Variants in HECA observed in about 807,000 individuals in gnomAD.
HECA encodes the protein headcase protein homolog.
In HECA, 13 loss-of-function variants were observed where a neutral mutation model predicts 37.6. The observed-to-expected ratio is 0.35, with a 90% confidence interval of 0.23 to 0.55. The LOEUF is 0.55. Ranked by LOEUF, HECA falls within the 20% of genes least tolerant of loss-of-function variation. The pLI is 0.90. For synonymous variants in HECA, 307 were observed against 291.5 expected, an observed-to-expected ratio of 1.05 and a Z score of -0.54; for missense variants, 527 against 701.9, an observed-to-expected ratio of 0.75 and a Z score of 2.82.
At chr6:139,149,660 C>A (rs984040568) in intron 1 of HECA, among the ~76,000 whole-genome samples, 3 of 152,154 alleles carry the variant, frequency 2.0e-5, no homozygotes, top group African/African-American at 7.2e-5. Flanking sequence ...AAGTTTGGAT[C>A]TGGGAGCTCT....
chr6:139,154,817 A>G (rs556382902), intron 1 of HECA, among the ~76,000 whole-genome samples: 2 of 152,372 alleles, frequency 1.3e-5, no homozygotes. Context: ...ATGAGTAAAG[A>G]GGTTTGAGTA....
At chr6:139,167,453 C>T in intron 2 of HECA, 129 bp downstream of exon 2, 2 of 763,624 alleles carry the variant, frequency 2.6e-6, no homozygotes, top group South Asian at 2.0e-5. Flanking sequence ...TGCTAGGTAA[C>T]ATTTGAATAT....
At chr6:139,140,011 C>T (rs181082720) in intron 1 of HECA, among the ~76,000 whole-genome samples, 1 of 152,300 alleles carries the variant, frequency 6.6e-6, no homozygotes, top group East Asian at 1.9e-4. Context: ...CATGGGAAAA[C>T]GCATTCTGAA....
At chr6:139,137,268 C>T (rs1320008488) in intron 1 of HECA, among the ~76,000 whole-genome samples, 1 of 152,040 alleles carries the variant, frequency 6.6e-6, no homozygotes, top group East Asian at 1.9e-4. Context: ...GCTTCATCAT[C>T]TTGGAAAGGT....
At chr6:139,175,335 A>G (rs1429876961) in intron 3 of HECA, among the ~76,000 whole-genome samples, 1 of 152,200 alleles carries the variant, frequency 6.6e-6, no homozygotes, top group Non-Finnish European at 1.5e-5. Context: ...CTGGTTTTTT[A>G]GTACAAATAG....
Position 139,166,827 on chromosome 6 carries a change from C to G in HECA, c.815C>G (p.Ser272Cys). ...TCCCCCGGTGGCTCCCCGGGCCAGT[C>G]CCCACCCACGGGCTACTCCATCCTC... The part of the protein sequence containing the change: ...ARSPGGSPGQ[S>C]PPTGYSILSP... The change falls in exon 2 of 4, where the codon TCC becomes TGC. Residue 272 changes from serine (S) to cysteine (C), a missense_variant. Around this residue, in one of 4 missense-constraint regions of HECA, gnomAD observed 228 missense variants for 259.8 expected, o/e 0.88. Transcript: ENST00000367658. 6.2e-7 allele frequency: 1 copy of G among 1,613,740 alleles called. No homozygotes were observed. The highest frequency in any genetic ancestry group is 8.5e-7 in the Non-Finnish European group (1 of 1,179,928).
Position 139,135,334 on chromosome 6 carries a change from G to T in HECA, c.-63G>T, listed in dbSNP as rs1487091353. On this transcript the variant is annotated 5_prime_UTR_variant, in exon 1 of 4. Coordinates refer to ENST00000367658, the MANE Select transcript of HECA (RefSeq NM_016217.3). Reference sequence around the variant, plus strand: ...GCCGGCTTCACGCAGGGCCGGGAACGGCCGTGCCTCTGGGATCCGCCTTCG... The same window carrying T: ...GCCGGCTTCACGCAGGGCCGGGAACTGCCGTGCCTCTGGGATCCGCCTTCG... 4 of 1,230,852 alleles carry T rather than the reference G, an allele frequency of 3.2e-6. No homozygotes were observed. The African/African-American group carries it at 4.9e-5, about 15-fold the overall frequency. The allele number at this position is 1,230,852 out of a possible 1,614,324, so 76.2% of individuals were successfully genotyped here.
chr6:139,178,083 A>G lies in HECA; in HGVS notation c.*978A>G, dbSNP rs1355579158. The G allele has an allele frequency of 2.0e-5, 3 of 152,250 alleles. No individual in the cohort carries two copies. The highest frequency in any genetic ancestry group is 7.2e-5 in the African/African-American group (3 of 41,466). 9.4% of individuals were successfully genotyped at this position (152,250 alleles called of 1,614,324 possible). ...TTCCAAAATCAAAGATTTGACCTTA[A>G]GAGGGAAGGGAAAAAAGTGTGAAAG... On this transcript the variant is annotated 3_prime_UTR_variant, in exon 4 of 4. Transcript: ENST00000367658.
chr6:139,135,754 G>A, intron 1 of HECA, 87 bp downstream of exon 1: 3 of 530,922 alleles, frequency 5.7e-6, no homozygotes, highest in Non-Finnish European at 7.2e-6. Context: ...CGGGCGGTGC[G>A]TGGACAATGC....
intron 1 of HECA, 78 bp downstream of exon 1, chr6:139,135,745 G>C: frequency 1.6e-6 from 1 of 607,402 alleles, no homozygotes; most frequent in South Asian, 7.1e-5. Context: ...TGGGTGGCGC[G>C]GGCGGTGCGT....
intron 1 of HECA, among the ~76,000 whole-genome samples, chr6:139,146,235 G>A (rs146507513): frequency 2.0e-4 from 31 of 152,218 alleles, no homozygotes; most frequent in Admixed American, 3.3e-4. Context: ...AAGTTAGTAA[G>A]GTATCAAATT....
At chr6:139,147,649 T>C (rs773803099) in intron 1 of HECA, among the ~76,000 whole-genome samples, 6 of 152,218 alleles carry the variant, frequency 3.9e-5, no homozygotes, top group Non-Finnish European at 8.8e-5. Flanking sequence ...GTACTTGAAC[T>C]GAAATTACAT....
chr6:139,146,711 C>G (rs1774588399), intron 1 of HECA, among the ~76,000 whole-genome samples: 1 of 152,170 alleles, frequency 6.6e-6, no homozygotes, highest in Non-Finnish European at 1.5e-5. Context: ...AAATAAGTGC[C>G]TGCTGTGGTG....
rs960289603 is a variant in HECA, at chr6:139,177,912, T to C, written c.*807T>C. Reference sequence around the variant, plus strand: ...AGTGATGATTTATTACAGGTTGCACTGTTGAAGTGTCATTTGGTGTCAGGT... The same window carrying C: ...AGTGATGATTTATTACAGGTTGCACCGTTGAAGTGTCATTTGGTGTCAGGT... On this transcript the variant is annotated 3_prime_UTR_variant, in exon 4 of 4. Transcript: ENST00000367658. This position sits in a 1 kb window ranked among gnomAD's most constrained non-coding sequence, Gnocchi z 4.9. The C allele has an allele frequency of 1.3e-5, 2 of 152,218 alleles. No individual in the cohort carries two copies. The highest frequency in any genetic ancestry group is 2.9e-5 in the Non-Finnish European group (2 of 68,026). The allele number at this position is 152,218 out of a possible 1,614,324, so 9.4% of individuals were successfully genotyped here.
chr6:139,144,227 C>T (rs1029717041), intron 1 of HECA: 1 of 152,128 alleles, frequency 6.6e-6, no homozygotes, highest in Non-Finnish European at 1.5e-5. Flanking sequence ...TATTATGCAC[C>T]TACTATCTCC....
intron 1 of HECA, 49 bp from the exon 2 acceptor site, chr6:139,166,235 C>T (rs770797334): frequency 4.8e-6 from 7 of 1,445,530 alleles, no homozygotes; most frequent in Non-Finnish European, 6.6e-6. Flanking sequence ...AGGTTGAGTA[C>T]CCCTAATCCA....
chr6:139,148,543 C>G (rs1027816955), intron 1 of HECA, among the ~76,000 whole-genome samples: 17 of 152,194 alleles, frequency 1.1e-4, no homozygotes, highest in African/African-American at 2.4e-4. Flanking sequence ...GCAGGCAGAT[C>G]ACTTGAGGTC....
Position 139,177,761 on chromosome 6 carries a change from C to G in HECA, c.*656C>G, listed in dbSNP as rs1178501012. On this transcript the variant is annotated 3_prime_UTR_variant, in exon 4 of 4. Coordinates refer to ENST00000367658, the MANE Select transcript of HECA (RefSeq NM_016217.3). The surrounding 1 kb of genome is among the most constrained non-coding windows in gnomAD (Gnocchi z 4.9). ...TGCAAATATGTTTAGGTAAACTGAC[C>G]TATAACAGAATATGTGAAATGAATT... 4 of 152,052 alleles carry G rather than the reference C, an allele frequency of 2.6e-5. No homozygotes were observed. The highest frequency in any genetic ancestry group is 5.9e-5 in the Non-Finnish European group (4 of 68,022). 9.4% of individuals were successfully genotyped at this position (152,052 alleles called of 1,614,324 possible). A position where few individuals can be genotyped will look rare whatever the true frequency, so the allele number is the denominator to read the frequency against.
Position 139,166,462 on chromosome 6 carries a change from C to T in HECA, c.450C>T (p.Arg150=), listed in dbSNP as rs139550012. 12 of 1,614,166 alleles carry T rather than the reference C, an allele frequency of 7.4e-6. No homozygotes were observed. The highest frequency in any genetic ancestry group is 8.5e-6 in the Non-Finnish European group (10 of 1,180,012). ...TCGTCCAGTTCAACTGCATCGGCCG[C>T]GCGCGCAGCTGGAACGAGAAGCAAT... The part of the protein sequence containing the change: ...SILVQFNCIG[R]ARSWNEKQCR... Residue 150 remains arginine, a synonymous_variant, in exon 2 of 4, where the codon CGC becomes CGT. Coordinates refer to ENST00000367658, the MANE Select transcript of HECA (RefSeq NM_016217.3).
Sources: allele counts gnomAD v4.1 joint callset (sites outside exome capture counted in the v4.1 genomes callset), GRCh38; gene constraint gnomAD v4.1.1; regional missense constraint gnomAD v4.1.1; non-coding constraint Gnocchi (gnomAD v3.1); transcripts MANE v1.5; gene names NCBI Gene and HGNC (gene_info 2026-07-23, HGNC 2026-07-21).